The following GPC6 variants were observed in gnomAD, a reference collection of about 807,000 sequenced individuals.
GPC6 encodes the protein glypican 6.
In GPC6, 14 loss-of-function variants were observed where a neutral mutation model predicts 55.2. That is an observed-to-expected ratio of 0.25 (90% CI 0.17 to 0.40). The LOEUF is 0.40. GPC6 is among the 10% of genes least tolerant of loss of function. The pLI is 1.00. For synonymous variants in GPC6, 278 were observed against 259.6 expected (o/e 1.07, Z -0.68); for missense variants, 641 against 708.5 (o/e 0.90, Z 1.08).
intron 4 of GPC6, among the ~76,000 whole-genome samples, chr13:94,121,027 A>C (rs1886612289): frequency 6.6e-6 from 1 of 152,134 alleles, no homozygotes; most frequent in South Asian, 2.1e-4. Context: ...ACCATTAAAA[A>C]GATTAATGGG....
At chr13:93,263,995 G>A (rs187140494) in intron 1 of GPC6, among the ~76,000 whole-genome samples, 80 of 152,162 alleles carry the variant, frequency 5.3e-4, no homozygotes, top group Non-Finnish European at 6.8e-4. Context: ...TTTACGTGAC[G>A]GTATCTGTGG....
chr13:93,312,299 G>A (rs1879100131), intron 1 of GPC6, among the ~76,000 whole-genome samples: 1 of 151,968 alleles, frequency 6.6e-6, no homozygotes, highest in African/African-American at 2.4e-5. Context: ...CTGAGAACAG[G>A]GTACACTTAT....
At chr13:93,534,776 A>T (rs1881992192) in intron 1 of GPC6, among the ~76,000 whole-genome samples, 2 of 152,190 alleles carry the variant, frequency 1.3e-5, no homozygotes, top group Admixed American at 6.5e-5. Context: ...TTATGGTCTG[A>T]TCATATGTCC....
intron 2 of GPC6, among the ~76,000 whole-genome samples, chr13:93,630,019 C>G (rs1879364575): frequency 6.6e-6 from 1 of 152,124 alleles, no homozygotes; most frequent in South Asian, 2.1e-4. Context: ...AGAAGTAAAT[C>G]AAGTGATGGA....
intron 8 of GPC6, among the ~76,000 whole-genome samples, chr13:94,399,929 T>G (rs1881057450): frequency 6.6e-6 from 1 of 152,200 alleles, no homozygotes; most frequent in Non-Finnish European, 1.5e-5. Context: ...TCTTCTGTAT[T>G]AAATAAAGTG....
chr13:94,034,555 A>T (rs1326785422), intron 4 of GPC6, among the ~76,000 whole-genome samples: 6 of 152,122 alleles, frequency 3.9e-5, no homozygotes, highest in Non-Finnish European at 7.4e-5. Context: ...GGATCAAAGG[A>T]GGCAACATAC....
In GPC6 at chr13:93,384,500, T is replaced by C. The variant is rs536840864; in HGVS notation, c.160+156884T>C. Among the ~76,000 whole-genome samples the C allele has an allele frequency of 2.0e-5, 3 of 152,156 alleles. No individual in the cohort carries two copies. The East Asian group carries it at 5.8e-4, about 29-fold the overall frequency. Reference sequence around the variant, plus strand: ...TATAAAGAATTGCTAACAGAATTAATGGGTTAAAGTGGAGAATATGAGGTG... The same window carrying C: ...TATAAAGAATTGCTAACAGAATTAACGGGTTAAAGTGGAGAATATGAGGTG... On this transcript the variant is annotated intron_variant, in intron 1 of 8. Transcript: ENST00000377047.
intron 1 of GPC6, among the ~76,000 whole-genome samples, chr13:93,353,572 A>T (rs1464237566): frequency 2.0e-5 from 3 of 152,232 alleles, no homozygotes; most frequent in Non-Finnish European, 2.9e-5. Context: ...AAGGTGTTTA[A>T]GAAGAAGCCA....
chr13:93,975,589 GTTTT>G (rs542481812), intron 3 of GPC6, among the ~76,000 whole-genome samples: 1 of 152,104 alleles, frequency 6.6e-6, no homozygotes, highest in Non-Finnish European at 1.5e-5. Flanking sequence ...AAATAAATGA[GTTTT>G]TTATTGAAAA....
In GPC6 at chr13:94,403,242, C is replaced by G. The variant is rs367604857; in HGVS notation, c.*25C>G. 282 of 1,530,232 alleles carry G rather than the reference C, an allele frequency of 1.8e-4. 1 individual carries two copies. Among genetic ancestry groups the G allele is most frequent in the Non-Finnish European group, 2.5e-4 (278 of 1,105,346 alleles). The allele number at this position is 1,530,232 out of a possible 1,614,324, so 94.8% of individuals were successfully genotyped here. A position where few individuals can be genotyped will look rare whatever the true frequency, so the allele number is the denominator to read the frequency against. On this transcript the variant is annotated 3_prime_UTR_variant, in exon 9 of 9. Coordinates refer to ENST00000377047, the MANE Select transcript of GPC6 (RefSeq NM_005708.5). ...ATCTTGGGTTTTTGGTCAGATGAAA[C>G]TGCATTTTAGCTATCTGAATGGCCA...
intron 4 of GPC6, among the ~76,000 whole-genome samples, chr13:94,130,636 T>C (rs189507296): frequency 3.9e-5 from 6 of 152,216 alleles, no homozygotes; most frequent in African/African-American, 1.4e-4. Context: ...ACTATTAATA[T>C]GAAGTCAAGT....
At chr13:94,258,933 G>A (rs1891580489) in intron 4 of GPC6, among the ~76,000 whole-genome samples, 2 of 152,064 alleles carry the variant, frequency 1.3e-5, no homozygotes, top group South Asian at 4.1e-4. Flanking sequence ...AACAAGGGTG[G>A]GGCAGGAAAC....
At chr13:93,718,554 T>C (rs1171042971) in intron 2 of GPC6, among the ~76,000 whole-genome samples, 1 of 152,078 alleles carries the variant, frequency 6.6e-6, no homozygotes, top group Non-Finnish European at 1.5e-5. Flanking sequence ...ATTCTGTAGG[T>C]TGTCTGTTCA....
At chr13:93,763,713 G>A (rs867687766) in intron 2 of GPC6, among the ~76,000 whole-genome samples, 8 of 152,162 alleles carry the variant, frequency 5.3e-5, no homozygotes, top group African/African-American at 9.7e-5. Flanking sequence ...TGTGCACTTT[G>A]TAAATTATCT....
At chr13:93,468,187 G>A (rs1878983304) in intron 1 of GPC6, among the ~76,000 whole-genome samples, 1 of 151,534 alleles carries the variant, frequency 6.6e-6, no homozygotes, top group Non-Finnish European at 1.5e-5. Flanking sequence ...TTCATTTTAT[G>A]CCCACATATA....
chr13:94,247,923 A>G (rs1174472763), intron 4 of GPC6, among the ~76,000 whole-genome samples: 1 of 151,958 alleles, frequency 6.6e-6, no homozygotes, highest in Non-Finnish European at 1.5e-5. Flanking sequence ...TGCAGCCTTA[A>G]ACTTCTGGGC....
rs74109169 is a variant in GPC6 at position 93,967,199 on chromosome 13, G to C, written c.712-60530G>C. ...GCAACTGCAGTGTGACAGTCACTTT[G>C]CTGGGTGCTAAGGGGACTGAGATGT... On this transcript the variant is annotated intron_variant, in intron 3 of 8. Coordinates refer to ENST00000377047, the MANE Select transcript of GPC6 (RefSeq NM_005708.5). 7.9e-3 allele frequency among the ~76,000 whole-genome samples: 1,204 copies of C among 152,282 alleles called. 17 individuals carry two copies. The highest frequency in any genetic ancestry group is 0.028 in the African/African-American group (1,145 of 41,570).
At chr13:93,990,348 G>GT (rs1272974882) in intron 3 of GPC6, among the ~76,000 whole-genome samples, 1 of 151,914 alleles carries the variant, frequency 6.6e-6, no homozygotes, top group Non-Finnish European at 1.5e-5. Context: ...GAAAAGTGCT[G>GT]TTTTTTGATG....
chr13:93,369,657 G>A (rs1374735234), intron 1 of GPC6, among the ~76,000 whole-genome samples: 1 of 152,104 alleles, frequency 6.6e-6, no homozygotes, highest in African/African-American at 2.4e-5. Flanking sequence ...AAGCTCAAAA[G>A]TATGCTGAGT....
Sources: allele counts gnomAD v4.1 joint callset (sites outside exome capture counted in the v4.1 genomes callset), GRCh38; gene constraint gnomAD v4.1.1; transcripts MANE v1.5; gene names NCBI Gene and HGNC (gene_info 2026-07-23, HGNC 2026-07-21).